HHIP: variants seen among roughly 807,000 people sequenced by gnomAD.
The protein encoded by HHIP is hedgehog interacting protein.
In HHIP, 12 loss-of-function variants were observed where a neutral mutation model predicts 74.0. The ratio of observed to expected loss-of-function variants is 0.16; its 90% CI spans 0.10 to 0.26. The LOEUF (loss-of-function observed/expected upper bound fraction) is 0.26. Among genes scored for constraint, HHIP ranks in the 10% least tolerant of loss-of-function variants. The pLI is 1.00. For missense variants in HHIP, 788 were observed against 845.0 expected, an observed-to-expected ratio of 0.93 and a Z score of 0.84; for synonymous variants, 309 against 311.6, an observed-to-expected ratio of 0.99 and a Z score of 0.09.
In HHIP at chr4:144,646,600, C is replaced by T; in HGVS notation, c.-76C>T. 1.4e-6 allele frequency: 2 copies of T among 1,472,834 alleles called. No individual in the cohort carries two copies. The highest frequency in any genetic ancestry group is 1.8e-6 in the Non-Finnish European group (2 of 1,084,338). 91.2% of individuals were successfully genotyped at this position (1,472,834 alleles called of 1,614,324 possible). On this transcript the variant is annotated 5_prime_UTR_variant, in exon 1 of 13. Coordinates refer to ENST00000296575, the MANE Select transcript of HHIP (RefSeq NM_022475.3). ...GCCCCGCAAACTCCTCCTGGAGCTGCGCCCTAGTGCCCCTGCTGGGCAGTG... is the reference window on the plus strand; with the variant it reads ...GCCCCGCAAACTCCTCCTGGAGCTGTGCCCTAGTGCCCCTGCTGGGCAGTG...
chr4:144,744,598 C>A lies in HHIP; in HGVS notation c.*6641C>A, dbSNP rs1208279848. ...GAAAAGTTACATGCATAGTCATTGG[C>A]TCAGGTAATTTCTCTGAATTTGAAC... On this transcript the variant is annotated 3_prime_UTR_variant, in exon 13 of 13. Coordinates refer to ENST00000296575, the MANE Select transcript of HHIP (RefSeq NM_022475.3). The A allele has an allele frequency of 1.3e-5, 2 of 152,158 alleles. No individual in the cohort carries two copies. The highest frequency in any genetic ancestry group is 2.9e-5 in the Non-Finnish European group (2 of 68,018). 9.4% of individuals were successfully genotyped at this position (152,158 alleles called of 1,614,324 possible).
chr4:144,680,518 G>T lies in HHIP; in HGVS notation c.831+20680G>T, dbSNP rs147022871. Among the ~76,000 whole-genome samples the T allele has an allele frequency of 1.6e-3, 236 of 152,216 alleles. 2 individuals are homozygous for T. Among genetic ancestry groups the T allele is most frequent in the African/African-American group, 5.1e-3 (211 of 41,576 alleles). On this transcript the variant is annotated intron_variant, in intron 4 of 12. Transcript: ENST00000296575. The stretch of plus-strand genomic sequence containing the variant: ...AAAACTGACAGATTTGTGGAAATCA[G>T]CTCAGAAGAATAATCTATTTTCTAA...
intron 11 of HHIP, among the ~76,000 whole-genome samples, chr4:144,720,645 C>G (rs1253112589): frequency 6.6e-6 from 1 of 151,910 alleles, no homozygotes; most frequent in Non-Finnish European, 1.5e-5. Flanking sequence ...CATTATGGTG[C>G]CTGTTTCTGG....
At chr4:144,647,211 C>T in intron 1 of HHIP, 1 of 431,320 alleles carries the variant, frequency 2.3e-6, no homozygotes, top group Non-Finnish European at 4.1e-6. Context: ...TTCTGCGGTA[C>T]CCGCACCCTG....
At chr4:144,667,886 G>C (rs1728920686) in intron 4 of HHIP, among the ~76,000 whole-genome samples, 1 of 152,138 alleles carries the variant, frequency 6.6e-6, no homozygotes, top group African/African-American at 2.4e-5. Context: ...TTGCCCACTA[G>C]CAACTATGGC....
rs56263557 is a variant in HHIP, at chr4:144,742,970, TGTATATATATATAC to T, written c.*5014_*5027del. 0.11 allele frequency: 353 copies of T among 3,232 alleles called. 7 individuals are homozygous for T. Among genetic ancestry groups the T allele is most frequent in the Non-Finnish European group, 0.23 (243 of 1,062 alleles). The allele number at this position is 3,232 out of a possible 1,614,324, so 0.2% of individuals were successfully genotyped here. ...ATATATCTTATACATATAAGATATATGTATATATATATACATTATATATATATAATATATATATA... is the reference window on the plus strand; with the variant it reads ...ATATATCTTATACATATAAGATATATATTATATATATATAATATATATATA... On this transcript the variant is annotated 3_prime_UTR_variant, in exon 13 of 13. Transcript: ENST00000296575.
intron 1 of HHIP, chr4:144,647,225 T>G (rs1372927990): frequency 2.5e-6 from 1 of 397,424 alleles, no homozygotes; most frequent in Non-Finnish European, 4.5e-6. Flanking sequence ...CACCCTGGGC[T>G]GGGTAAATAT....
At chr4:144,701,410 A>AT (rs1286172563) in intron 4 of HHIP, among the ~76,000 whole-genome samples, 1 of 151,406 alleles carries the variant, frequency 6.6e-6, no homozygotes, top group Non-Finnish European at 1.5e-5. Context: ...TACCAAAAGT[A>AT]TTTATTTCTT....
intron 11 of HHIP, among the ~76,000 whole-genome samples, chr4:144,724,468 T>C (rs1396406232): frequency 4.6e-5 from 7 of 151,950 alleles, no homozygotes; most frequent in Non-Finnish European, 8.8e-5. Context: ...AAGATGAATC[T>C]AAACTTTTAA....
intron 10 of HHIP, among the ~76,000 whole-genome samples, chr4:144,715,800 G>C (rs1473415383): frequency 6.6e-6 from 1 of 152,118 alleles, no homozygotes; most frequent in Non-Finnish European, 1.5e-5. Flanking sequence ...ATGTATCCAT[G>C]TCTCTTGGAA....
rs937110271 is a variant in HHIP, at chr4:144,744,022, A to C, written c.*6065A>C. 1.4e-4 allele frequency: 21 copies of C among 152,118 alleles called. No individual in the cohort carries two copies. Among genetic ancestry groups the C allele is most frequent in the Non-Finnish European group, 1.8e-4 (12 of 67,982 alleles). 9.4% of individuals were successfully genotyped at this position (152,118 alleles called of 1,614,324 possible). ...TTCCTAATACTGTTATGAAGAAACC[A>C]AGTTGACTACCTTATGAGAGATCAG... is the stretch of plus-strand genomic sequence containing the variant. On this transcript the variant is annotated 3_prime_UTR_variant, in exon 13 of 13. Coordinates refer to ENST00000296575, the MANE Select transcript of HHIP (RefSeq NM_022475.3).
intron 4 of HHIP, among the ~76,000 whole-genome samples, chr4:144,700,842 T>C (rs1251928975): frequency 1.3e-5 from 2 of 152,234 alleles, no homozygotes; most frequent in Non-Finnish European, 2.9e-5. Context: ...AAGTTTGTGG[T>C]AAATTTTCAT....
intron 11 of HHIP, among the ~76,000 whole-genome samples, chr4:144,721,415 T>C (rs1320699228): frequency 6.6e-6 from 1 of 152,136 alleles, no homozygotes; most frequent in Non-Finnish European, 1.5e-5. Flanking sequence ...ACCACCTCAG[T>C]CTGTAAGGAC....
chr4:144,668,200 C>T lies in HHIP; in HGVS notation c.831+8362C>T, dbSNP rs1304850250. The stretch of plus-strand genomic sequence containing the variant: ...GGTATGGTGGCAGATGCCTATAATC[C>T]CAGCTACTTGGGAAGCTGAGGCAGG... On this transcript the variant is annotated intron_variant, in intron 4 of 12. Coordinates refer to ENST00000296575, the MANE Select transcript of HHIP (RefSeq NM_022475.3). 2.0e-5 allele frequency among the ~76,000 whole-genome samples: 3 copies of T among 151,770 alleles called. No individual in the cohort carries two copies. In the East Asian group the frequency reaches 5.8e-4, roughly 29 times the overall value.
At chr4:144,672,890 C>A (rs1729079276) in intron 4 of HHIP, among the ~76,000 whole-genome samples, 1 of 152,040 alleles carries the variant, frequency 6.6e-6, no homozygotes, top group Admixed American at 6.6e-5. Flanking sequence ...TTAGTAGATA[C>A]AGGGTTTCAC....
At chr4:144,677,355 C>T (rs1211579353) in intron 4 of HHIP, among the ~76,000 whole-genome samples, 2 of 152,158 alleles carry the variant, frequency 1.3e-5, no homozygotes, top group Non-Finnish European at 2.9e-5. Flanking sequence ...TTCATTTTTT[C>T]GCAGGCTTTC....
intron 1 of HHIP, among the ~76,000 whole-genome samples, chr4:144,651,589 G>C (rs1046474349): frequency 2.6e-5 from 4 of 151,908 alleles, no homozygotes; most frequent in Non-Finnish European, 5.9e-5. Flanking sequence ...GATGAATTGG[G>C]AAAAGGTATA....
intron 11 of HHIP, among the ~76,000 whole-genome samples, chr4:144,722,131 C>G (rs551890606): frequency 2.6e-5 from 4 of 152,248 alleles, no homozygotes; most frequent in Admixed American, 1.3e-4. Flanking sequence ...CCTGGGGGAT[C>G]CTTCAGCTAG....
chr4:144,680,818 GTGTCCAGGATTAC>G (rs1475204348), intron 4 of HHIP, among the ~76,000 whole-genome samples: 1 of 152,180 alleles, frequency 6.6e-6, no homozygotes, highest in Non-Finnish European at 1.5e-5. Flanking sequence ...TTTTGGACTT[GTGTCCAGGATTAC>G]TGTCTAAGCA....
Sources: gnomAD v4.1 joint callset for allele counts (sites outside exome capture counted in the v4.1 genomes callset) on GRCh38, gnomAD v4.1.1 for gene constraint, MANE v1.5 for transcripts, NCBI Gene and HGNC (gene_info 2026-07-23, HGNC 2026-07-21) for gene names.